The following NT5C1B variants were observed in gnomAD, a reference collection of about 807,000 sequenced individuals.
NT5C1B encodes 5'-nucleotidase, cytosolic IB.
NT5C1B carries 44 observed loss-of-function variants against 57.8 expected under a neutral mutation model. That is an observed-to-expected ratio of 0.76 (90% CI 0.60 to 0.98). The LOEUF (loss-of-function observed/expected upper bound fraction) is 0.98. Among genes scored for constraint, NT5C1B ranks in the 50% least tolerant of loss-of-function variants. NT5C1B has a pLI of 0.00. For missense variants in NT5C1B, 742 were observed against 719.5 expected (o/e 1.03, Z -0.36); for synonymous variants, 284 against 282.6 (o/e 1.00, Z -0.05).
rs61742608 is a variant in NT5C1B at position 18,584,857 on chromosome 2, C to G, written c.380G>C (p.Arg127Pro). Residue 127 changes from arginine (R) to proline (P), a missense_variant, in exon 4 of 9, where the codon CGG (arginine) becomes CCG (proline). Arg to Pro is a moderately radical substitution (Grantham distance 103). Transcript: ENST00000304081. This position sits in a 1 kb window ranked among gnomAD's most constrained non-coding sequence, Gnocchi z 5.8. ...CGTGGGAGGCCGCGAGTCCAGCGAC[C>G]GGGGCAGCTGGGGCGACGCGGGTGG... The G allele has an allele frequency of 1.9e-6, 3 of 1,605,194 alleles. No homozygotes were observed. Among genetic ancestry groups the G allele is most frequent in the Admixed American group, 3.4e-5 (2 of 59,442 alleles).
chr2:18,576,864 C>T (rs1007969970), exon 7 of NT5C1B: 2 of 1,613,754 alleles, frequency 1.2e-6, no homozygotes, highest in Non-Finnish European at 1.7e-6. Context: ...GGTCTTTTCC[C>T]CCGGTCAGAC....
At chr2:18,568,838 G>A (rs571921121) in intron 8 of NT5C1B, among the ~76,000 whole-genome samples, 3 of 152,082 alleles carry the variant, frequency 2.0e-5, no homozygotes, top group African/African-American at 4.8e-5. Context: ...TTTCCAGACC[G>A]AACCAATGTT....
At chr2:18,576,504 A>G (rs1665691160) in intron 7 of NT5C1B, 136 bp from the exon 8 acceptor site, 1 of 1,267,744 alleles carries the variant, frequency 7.9e-7, no homozygotes, top group African/African-American at 1.5e-5. Context: ...CCTCTTCACA[A>G]CCACAGACCT....
At chr2:18,568,553 A>G (rs1316231490) in intron 8 of NT5C1B, among the ~76,000 whole-genome samples, 1 of 152,196 alleles carries the variant, frequency 6.6e-6, no homozygotes, top group Non-Finnish European at 1.5e-5. Context: ...TGAAATACAT[A>G]TTTTTGCCTC....
At chr2:18,587,621 A>G (rs776716997) in intron 1 of NT5C1B, 29 bp from the exon 2 acceptor site, 36 of 1,599,598 alleles carry the variant, frequency 2.3e-5, no homozygotes, top group Non-Finnish European at 5.1e-6. Flanking sequence ...AATGTTTATT[A>G]ATTTTTAATC....
At chr2:18,564,365 C>G (rs1353625766) in intron 8 of NT5C1B, among the ~76,000 whole-genome samples, 2 of 152,096 alleles carry the variant, frequency 1.3e-5, no homozygotes, top group African/African-American at 4.8e-5. Flanking sequence ...ACATGTAAAC[C>G]TATATACTTT....
At chr2:18,583,089 C>T in intron 5 of NT5C1B, 92 bp from the exon 6 acceptor site, 1 of 1,474,790 alleles carries the variant, frequency 6.8e-7, no homozygotes, top group South Asian at 1.4e-5. Flanking sequence ...GAGTCAAATT[C>T]AAGCTCTGAA....
intron 8 of NT5C1B, among the ~76,000 whole-genome samples, chr2:18,565,698 T>C (rs1664580953): frequency 2.0e-5 from 3 of 152,174 alleles, no homozygotes; most frequent in Non-Finnish European, 4.4e-5. Flanking sequence ...TGTCATACAA[T>C]ATGGGCTTTT....
At chr2:18,571,718 G>GTGTGTGTATATA (rs1246189018) in intron 8 of NT5C1B, among the ~76,000 whole-genome samples, 41 of 111,442 alleles carry the variant, frequency 3.7e-4, no homozygotes, top group African/African-American at 1.2e-3. Flanking sequence ...CTGTGTGTGT[G>GTGTGTGTATATA]TATATATATA....
intron 6 of NT5C1B, among the ~76,000 whole-genome samples, chr2:18,580,249 G>A (rs560570934): frequency 1.3e-5 from 2 of 152,292 alleles, no homozygotes; most frequent in South Asian, 2.1e-4. Flanking sequence ...ATTTTAAACA[G>A]AATTATCATT....
Position 18,584,994 on chromosome 2 carries a change from G to A in NT5C1B, c.259-16C>T. The A allele has an allele frequency of 1.3e-6, 2 of 1,565,728 alleles. No homozygotes were observed. The highest frequency in any genetic ancestry group is 1.7e-6 in the Non-Finnish European group (2 of 1,162,440). On this transcript the variant is annotated splice_polypyrimidine_tract_variant and intron_variant, in intron 3 of 8. Coordinates refer to ENST00000304081, the Ensembl canonical transcript of NT5C1B. The surrounding 1 kb of genome is among the most constrained non-coding windows in gnomAD (Gnocchi z 5.8). ...TGCTGGGGAGCTGCAGCAAGACAAT[G>A]GGCGTCTGAAGTCGAGGCCTGCCTG...
At chr2:18,581,607 T>C (rs985488902) in intron 6 of NT5C1B, among the ~76,000 whole-genome samples, 3 of 152,136 alleles carry the variant, frequency 2.0e-5, no homozygotes, top group African/African-American at 4.8e-5. Flanking sequence ...ATTTTTTCAC[T>C]TATGTCAATA....
intron 3 of NT5C1B, among the ~76,000 whole-genome samples, chr2:18,585,686 G>A (rs1361599782): frequency 6.6e-6 from 1 of 152,160 alleles, no homozygotes; most frequent in African/African-American, 2.4e-5. Flanking sequence ...ATTTCAGATT[G>A]TTTCACACAT....
intron 8 of NT5C1B, among the ~76,000 whole-genome samples, chr2:18,574,293 G>T (rs1013968474): frequency 5.3e-5 from 8 of 152,060 alleles, no homozygotes; most frequent in Non-Finnish European, 1.2e-4. Context: ...CAGTCAAGAT[G>T]GTTATTATAG....
intron 8 of NT5C1B, among the ~76,000 whole-genome samples, chr2:18,565,062 T>G (rs1664521647): frequency 6.6e-6 from 1 of 152,210 alleles, no homozygotes; most frequent in African/African-American, 2.4e-5. Flanking sequence ...ATTTATTTAC[T>G]TTTCCTTGGT....
chr2:18,586,560 C>G, intron 2 of NT5C1B, 169 bp from the exon 3 acceptor site: 1 of 1,050,848 alleles, frequency 9.5e-7, no homozygotes, highest in Non-Finnish European at 1.3e-6. Flanking sequence ...TATTCTAACT[C>G]TGGTCTAGTC....
In NT5C1B at chr2:18,584,932, C is replaced by A; in HGVS notation, c.305G>T (p.Ser102Ile). Residue 102 changes from serine to isoleucine, a missense_variant, in exon 4 of 9, where the codon AGC becomes ATC. Physicochemically the swap from Ser to Ile is moderately radical, Grantham distance 142 (BLOSUM62 -2). Transcript: ENST00000304081. The surrounding 1 kb of genome is among the most constrained non-coding windows in gnomAD (Gnocchi z 5.8). ...CGGCGGCGGTGAGGAGTCATGCAGG[C>A]TTGGGGAGGTGGATGGAGTCCGGGA... is the stretch of plus-strand genomic sequence containing the variant. The A allele has an allele frequency of 6.5e-7, 1 of 1,542,876 alleles. No individual in the cohort carries two copies. Among genetic ancestry groups the A allele is most frequent in the Non-Finnish European group, 8.7e-7 (1 of 1,151,518 alleles).
chr2:18,586,519 G>A (rs765089760), intron 2 of NT5C1B, 128 bp from the exon 3 acceptor site: 1 of 1,376,638 alleles, frequency 7.3e-7, no homozygotes, highest in Non-Finnish European at 9.8e-7. Flanking sequence ...TGGCCTCAAT[G>A]ACTCTTAACT....
intron 1 of NT5C1B, among the ~76,000 whole-genome samples, chr2:18,588,402 T>A (rs1382068203): frequency 6.6e-6 from 1 of 152,146 alleles, no homozygotes; most frequent in African/African-American, 2.4e-5. Context: ...CAGTCTATAT[T>A]CATCCGTTTA....
Sources: allele counts gnomAD v4.1 joint callset (sites outside exome capture counted in the v4.1 genomes callset), GRCh38; gene constraint gnomAD v4.1.1; non-coding constraint Gnocchi (gnomAD v3.1); transcripts MANE v1.5; gene names NCBI Gene and HGNC (gene_info 2026-07-23, HGNC 2026-07-21).